The following KIFC1 variants were observed in gnomAD, a reference collection of about 807,000 sequenced individuals.
The protein encoded by KIFC1 is kinesin-like protein KIFC1.
Under a neutral mutation model 66.6 loss-of-function variants are expected in KIFC1, and 37 were observed. That is an observed-to-expected ratio of 0.56 (90% CI 0.43 to 0.73). KIFC1 has a LOEUF of 0.73. KIFC1 is among the 30% of genes least tolerant of loss of function. The pLI is 0.00. For synonymous variants in KIFC1, 325 were observed against 343.5 expected (o/e 0.95, Z 0.60); for missense variants, 721 against 859.8 (o/e 0.84, Z 2.02).
In KIFC1 at chr6:33,398,353, C is replaced by T; in HGVS notation, c.216C>T (p.Leu72=). ...ITTSHPRVPS[L]TTVPQTQGQT... The stretch of plus-strand genomic sequence containing the variant: ...CATCCCACCCAAGAGTTCCATCCCT[C>T]ACTACAGTGCCACAGACACAAGGCC... Residue 72 remains leucine, a synonymous_variant, in exon 3 of 11, where the codon CTC becomes CTT. Transcript: ENST00000428849. The T allele has an allele frequency of 6.2e-7, 1 of 1,614,062 alleles. No homozygotes were observed. The highest frequency in any genetic ancestry group is 8.5e-7 in the Non-Finnish European group (1 of 1,179,946).
rs192492638 is a variant in KIFC1 at position 33,409,180 on chromosome 6, A to C, written c.1978-466A>C. ...GACTCCGTCTCAACAACAACAACAA[A>C]AAAAAGAGCCTCCTTCAGATTGGTG... On this transcript the variant is annotated intron_variant, in intron 10 of 10. Coordinates refer to ENST00000428849, the MANE Select transcript of KIFC1 (RefSeq NM_002263.4). Among the ~76,000 whole-genome samples the C allele has an allele frequency of 5.8e-3, 880 of 152,218 alleles. 2 individuals are homozygous for C. The highest frequency in any genetic ancestry group is 0.02 in the Middle Eastern group (6 of 294).
rs1287109749 is a variant in KIFC1 at position 33,403,878 on chromosome 6, G to A, written c.505G>A (p.Asp169Asn). The A allele has an allele frequency of 6.2e-7, 1 of 1,614,120 alleles. No individual in the cohort carries two copies. The highest frequency in any genetic ancestry group is 8.5e-7 in the Non-Finnish European group (1 of 1,180,056). ...GGACCAAGAGAACCAGCAGCTTCAG[G>A]ACCAGCTCAGAGATGCCCAGCAGCA... is the stretch of plus-strand genomic sequence containing the variant. ...TLDQENQQLQ[D>N]QLRDAQQQVK... is the part of the protein sequence containing the mutation. The change falls in exon 6 of 11, where the codon GAC (aspartate) becomes AAC (asparagine). Residue 169 changes from aspartate (D) to asparagine (N), a missense_variant. Asp to Asn is a conservative substitution (Grantham distance 23, BLOSUM62 1). Coordinates refer to ENST00000428849, the MANE Select transcript of KIFC1 (RefSeq NM_002263.4). The surrounding 1 kb of genome is among the most constrained non-coding windows in gnomAD (Gnocchi z 4.6).
rs778004135 is a variant in KIFC1 at position 33,404,967 on chromosome 6, A to G, written c.872A>G (p.His291Arg). ...CTGACTGAGCGGGAAGAACGTCTTC[A>G]TGGGCTAGAAATGGAGCGCCGGCGA... is the stretch of plus-strand genomic sequence containing the variant. ...ALLTEREERL[H>R]GLEMERRRLH... Residue 291 changes from histidine to arginine, a missense_variant, in exon 7 of 11, where the codon CAT becomes CGT. His to Arg is a conservative substitution (Grantham distance 29). Coordinates refer to ENST00000428849, the MANE Select transcript of KIFC1 (RefSeq NM_002263.4). The surrounding 1 kb of genome is among the most constrained non-coding windows in gnomAD (Gnocchi z 4.0). The G allele has an allele frequency of 1.2e-6, 2 of 1,613,952 alleles. No individual in the cohort carries two copies. The highest frequency in any genetic ancestry group is 1.7e-5 in the Admixed American group (1 of 59,994).
chr6:33,407,061 G>A, intron 10 of KIFC1, 186 bp downstream of exon 10: 1 of 1,414,778 alleles, frequency 7.1e-7, no homozygotes, highest in Admixed American at 3.0e-5. Context: ...TTAAAAAACG[G>A]GTGATTAATT....
intron 10 of KIFC1, 84 bp from the exon 11 acceptor site, chr6:33,409,562 A>T: frequency 7.5e-7 from 1 of 1,331,628 alleles, no homozygotes; most frequent in Non-Finnish European, 1.1e-6. Context: ...GGGCAGCCCT[A>T]GCATTGGAGG....
At chr6:33,394,516 C>G (rs933205208) in intron 1 of KIFC1, among the ~76,000 whole-genome samples, 2 of 152,118 alleles carry the variant, frequency 1.3e-5, no homozygotes, top group African/African-American at 4.8e-5. Context: ...GTCTCTCACT[C>G]TGTTGCCCAG....
rs1263318089 is a variant in KIFC1, at chr6:33,405,796, T to G, written c.1536+165T>G. On this transcript the variant is annotated intron_variant, in intron 7 of 10. Transcript: ENST00000428849. The surrounding 1 kb of genome is among the most constrained non-coding windows in gnomAD (Gnocchi z 5.4). Reference sequence around the variant, plus strand: ...TTGGCCTGTGGGCTGTCGGTAGATCTGCCTTAACCTGGGAGTGGCGAGGGA... The same window carrying G: ...TTGGCCTGTGGGCTGTCGGTAGATCGGCCTTAACCTGGGAGTGGCGAGGGA... 1.3e-5 allele frequency among the ~76,000 whole-genome samples: 2 copies of G among 152,166 alleles called. No individual in the cohort carries two copies. The highest frequency in any genetic ancestry group is 2.9e-5 in the Non-Finnish European group (2 of 68,034).
Position 33,403,186 on chromosome 6 carries a change from G to A in KIFC1, c.251-128G>A, listed in dbSNP as rs931530554. The A allele has an allele frequency of 3.5e-6, 3 of 855,418 alleles. No homozygotes were observed. Among genetic ancestry groups the A allele is most frequent in the Non-Finnish European group, 5.8e-6 (3 of 520,204 alleles). 53.0% of individuals were successfully genotyped at this position (855,418 alleles called of 1,614,324 possible). On this transcript the variant is annotated intron_variant, in intron 3 of 10. Coordinates refer to ENST00000428849, the MANE Select transcript of KIFC1 (RefSeq NM_002263.4). This position sits in a 1 kb window ranked among gnomAD's most constrained non-coding sequence, Gnocchi z 4.6. Reference sequence around the variant, plus strand: ...TCATTAGGAGCTGGCCAGACTTAGGGATAAGGGAAGGAAGTTATCCTATTT... The same window carrying A: ...TCATTAGGAGCTGGCCAGACTTAGGAATAAGGGAAGGAAGTTATCCTATTT...
In KIFC1 at chr6:33,403,718, G is replaced by A; in HGVS notation, c.356-11G>A. The A allele has an allele frequency of 6.2e-7, 1 of 1,608,938 alleles. No individual in the cohort carries two copies. The highest frequency in any genetic ancestry group is 8.5e-7 in the Non-Finnish European group (1 of 1,177,012). ...CTTCACTGACCTTTGTCCTTTCTGT[G>A]TTCATCTTAGCATCAGGTGTTCCTC... is the stretch of plus-strand genomic sequence containing the variant. On this transcript the variant is annotated splice_polypyrimidine_tract_variant and intron_variant, in intron 5 of 10. Coordinates refer to ENST00000428849, the MANE Select transcript of KIFC1 (RefSeq NM_002263.4). This position sits in a 1 kb window ranked among gnomAD's most constrained non-coding sequence, Gnocchi z 4.6.
chr6:33,405,736 G>A lies in KIFC1; in HGVS notation c.1536+105G>A. On this transcript the variant is annotated intron_variant, in intron 7 of 10. Transcript: ENST00000428849. This position sits in a 1 kb window ranked among gnomAD's most constrained non-coding sequence, Gnocchi z 5.4. ...GAGCAAGAGAGAATTGAAGGATGAA[G>A]TGCAAGTTATCAGGCTGGGTTACCA... The A allele has an allele frequency of 8.2e-7, 1 of 1,215,316 alleles. No homozygotes were observed. The highest frequency in any genetic ancestry group is 2.6e-5 in the East Asian group (1 of 38,054). The allele number at this position is 1,215,316 out of a possible 1,614,324, so 75.3% of individuals were successfully genotyped here. A position where few individuals can be genotyped will look rare whatever the true frequency, so the allele number is the denominator to read the frequency against.
In KIFC1 at chr6:33,409,703, A is replaced by ATGTG. The variant is rs1554300493; in HGVS notation, c.*14_*15insGTGT. On this transcript the variant is annotated 3_prime_UTR_variant, in exon 11 of 11. Transcript: ENST00000428849. ...CAACAGGAAGTGAAGACGGATCCAG[A>ATGTG]TCTGTGTGTGTGTGTGTGTGTGTGT... is the stretch of plus-strand genomic sequence containing the variant. 6.8e-6 allele frequency: 9 copies of ATGTG among 1,332,638 alleles called. No individual in the cohort carries two copies. Among genetic ancestry groups the ATGTG allele is most frequent in the African/African-American group, 3.7e-5 (2 of 54,100 alleles). The allele number at this position is 1,332,638 out of a possible 1,614,324, so 82.6% of individuals were successfully genotyped here.
chr6:33,397,976 C>A, intron 1 of KIFC1, 53 bp from the exon 2 acceptor site: 1 of 1,598,348 alleles, frequency 6.3e-7, no homozygotes, highest in Admixed American at 1.7e-5. Context: ...ACAGGAAGTT[C>A]TTGGGACATT....
At chr6:33,397,736 G>A (rs1207529540) in intron 1 of KIFC1, among the ~76,000 whole-genome samples, 2 of 152,188 alleles carry the variant, frequency 1.3e-5, no homozygotes. Context: ...TCTTAGCCAT[G>A]CTATGTACAT....
chr6:33,406,107 G>C lies in KIFC1; in HGVS notation c.1537-89G>C. ...CTTGACAGGCTAGAAAGCTTCAAGA[G>C]GGTGGGGGTGGGCTCTTATTCATTT... On this transcript the variant is annotated intron_variant, in intron 7 of 10. Transcript: ENST00000428849. The surrounding 1 kb of genome is among the most constrained non-coding windows in gnomAD (Gnocchi z 4.5). 8.1e-7 allele frequency: 1 copy of C among 1,232,856 alleles called. No homozygotes were observed. Among genetic ancestry groups the C allele is most frequent in the Non-Finnish European group, 1.1e-6 (1 of 879,268 alleles). 76.4% of individuals were successfully genotyped at this position (1,232,856 alleles called of 1,614,324 possible).
At chr6:33,394,015 G>A (rs1420267435) in intron 1 of KIFC1, among the ~76,000 whole-genome samples, 3 of 152,152 alleles carry the variant, frequency 2.0e-5, no homozygotes, top group Non-Finnish European at 2.9e-5. Flanking sequence ...CAAAGTGCTC[G>A]GATTACAGGC....
chr6:33,405,191 C>T lies in KIFC1; in HGVS notation c.1096C>T (p.Pro366Ser), dbSNP rs371098598. The change falls in exon 7 of 11, where the codon CCC (proline) becomes TCC (serine). Residue 366 changes from proline to serine, a missense_variant. Transcript: ENST00000428849. This position sits in a 1 kb window ranked among gnomAD's most constrained non-coding sequence, Gnocchi z 5.4. ...TGGGACCCTGAGTGGGGCACCAGCTCCCCCAACTCGCCATGATTTTTCCTT... is the reference window on the plus strand; with the variant it reads ...TGGGACCCTGAGTGGGGCACCAGCTTCCCCAACTCGCCATGATTTTTCCTT... Reference protein sequence around the residue: ...RRGTLSGAPAPPTRHDFSFDR... With the variant: ...RRGTLSGAPASPTRHDFSFDR... 1.9e-6 allele frequency: 3 copies of T among 1,614,024 alleles called. No individual in the cohort carries two copies. In the African/African-American group the frequency reaches 4.0e-5, roughly 22 times the overall value.
At position 33,406,897 on chromosome 6, in the gene KIFC1, C is replaced by T. The variant is rs983450791; in HGVS notation, c.1977+22C>T. The T allele has an allele frequency of 1.4e-5, 23 of 1,613,938 alleles. No homozygotes were observed. Among genetic ancestry groups the T allele is most frequent in the African/African-American group, 4.0e-5 (3 of 74,906 alleles). ...CAAGGTGCGATTACCACCCGTCAGC[C>T]TTGTCAGGACCCGTGGGTGGTTGTA... On this transcript the variant is annotated intron_variant, in intron 10 of 10. Transcript: ENST00000428849. This position sits in a 1 kb window ranked among gnomAD's most constrained non-coding sequence, Gnocchi z 4.5.
chr6:33,393,027 TC>T (rs913336847), intron 1 of KIFC1, among the ~76,000 whole-genome samples: 13 of 152,116 alleles, frequency 8.5e-5, no homozygotes, highest in Non-Finnish European at 1.5e-4. Context: ...AAGGAGAAAT[TC>T]AAGGTTGAGG....
chr6:33,397,243 C>T (rs1363517375), intron 1 of KIFC1, among the ~76,000 whole-genome samples: 1 of 150,634 alleles, frequency 6.6e-6, no homozygotes, highest in African/African-American at 2.4e-5. Flanking sequence ...TCCCAAAATG[C>T]TGGAATTACA....
Sources: gnomAD v4.1 joint callset for allele counts (sites outside exome capture counted in the v4.1 genomes callset) on GRCh38, gnomAD v4.1.1 for gene constraint, Gnocchi (gnomAD v3.1) non-coding constraint, MANE v1.5 for transcripts, NCBI Gene and HGNC (gene_info 2026-07-23, HGNC 2026-07-21) for gene names.